Variants in MAPK8IP3 observed in about 807,000 individuals in gnomAD.
MAPK8IP3 encodes C-Jun-amino-terminal kinase-interacting protein 3.
A neutral mutation model predicts 157.8 loss-of-function variants in MAPK8IP3; 49 were observed. That is an observed-to-expected ratio of 0.31 (90% CI 0.25 to 0.39). The LOEUF (loss-of-function observed/expected upper bound fraction) is 0.39, where lower values mean the gene tolerates loss of function less well. MAPK8IP3 is among the 10% of genes least tolerant of loss of function. The pLI, the probability that MAPK8IP3 is intolerant of heterozygous loss-of-function variation, is 1.00. For missense variants in MAPK8IP3, 1,478 were observed against 1,889.4 expected (o/e 0.78, Z 4.04); for synonymous variants, 897 against 777.7 (o/e 1.15, Z -2.55).
intron 6 of MAPK8IP3, among the ~76,000 whole-genome samples, chr16:1,747,858 G>T (rs890081331): frequency 1.3e-5 from 2 of 152,020 alleles, no homozygotes; most frequent in South Asian, 4.1e-4. Flanking sequence ...GTCACCCCAT[G>T]GCACACAGCC....
At position 1,767,480 on chromosome 16, in the gene MAPK8IP3, T is replaced by C. The variant is rs1596813069; in HGVS notation, c.3238-84T>C. On this transcript the variant is annotated intron_variant, in intron 26 of 31. Transcript: ENST00000610761. Reference sequence around the variant, plus strand: ...CTGGGAGGTCTGAGGGGACTGCAGGTGGCCCTGGAGCTGTGGCAGGTTTGG... The same window carrying C: ...CTGGGAGGTCTGAGGGGACTGCAGGCGGCCCTGGAGCTGTGGCAGGTTTGG... 3 of 1,535,308 alleles carry C rather than the reference T, an allele frequency of 2.0e-6. No individual in the cohort carries two copies. In the East Asian group the frequency reaches 6.8e-5, roughly 35 times the overall value.
chr16:1,760,628 G>A (rs1006609533), intron 12 of MAPK8IP3, 96 bp downstream of exon 12: 18 of 1,460,524 alleles, frequency 1.2e-5, no homozygotes, highest in Middle Eastern at 2.5e-4. Flanking sequence ...CAGCCTGAGC[G>A]GCTCTGTGCA....
At chr16:1,711,292 C>T (rs778571829) in intron 1 of MAPK8IP3, among the ~76,000 whole-genome samples, 6 of 152,160 alleles carry the variant, frequency 3.9e-5, no homozygotes, top group Admixed American at 1.3e-4. Context: ...CTGTGTTCTG[C>T]GGTGGCCCCT....
At chr16:1,728,992 T>C in intron 2 of MAPK8IP3, 146 bp from the exon 3 acceptor site, 1 of 743,468 alleles carries the variant, frequency 1.3e-6, no homozygotes, top group Non-Finnish European at 2.4e-6. Flanking sequence ...CCAGACGGCC[T>C]TGCACTTGCC....
intron 2 of MAPK8IP3, among the ~76,000 whole-genome samples, chr16:1,728,530 C>T (rs1396123537): frequency 6.6e-6 from 1 of 152,138 alleles, no homozygotes; most frequent in Non-Finnish European, 1.5e-5. Flanking sequence ...TATTTAACTC[C>T]CAACAGAGCT....
In MAPK8IP3 at chr16:1,764,127, G is replaced by C; in HGVS notation, c.2038G>C (p.Gly680Arg). ...PAKYKQLSPN[G>R]GQEDTRMKNV... is the part of the protein sequence containing the mutation. ...CTGCTCCCTGCAGCTGAGTCCCAAC[G>C]GGGGCCAGGAGGACACGCGGATGAA... Residue 680 changes from glycine (G) to arginine (R), a missense_variant, in exon 18 of 32, where the codon GGG (glycine) becomes CGG (arginine). Physicochemically the swap from Gly to Arg is moderately radical, Grantham distance 125. Around this residue, in one of 11 missense-constraint regions of MAPK8IP3, gnomAD observed 669 missense variants for 759.8 expected, o/e 0.88. Coordinates refer to ENST00000610761, the MANE Select transcript of MAPK8IP3 (RefSeq NM_001318852.2). 6 of 1,609,638 alleles carry C rather than the reference G, an allele frequency of 3.7e-6. No homozygotes were observed. Among genetic ancestry groups the C allele is most frequent in the Non-Finnish European group, 5.1e-6 (6 of 1,178,592 alleles).
At chr16:1,747,757 C>G (rs539827343) in intron 6 of MAPK8IP3, among the ~76,000 whole-genome samples, 1 of 152,150 alleles carries the variant, frequency 6.6e-6, no homozygotes, top group South Asian at 2.1e-4. Context: ...CCCCACTAAC[C>G]AGTAACCTGC....
intron 13 of MAPK8IP3, 36 bp from the exon 14 acceptor site, chr16:1,762,315 A>C (rs768593871): frequency 6.5e-7 from 1 of 1,541,362 alleles, no homozygotes; most frequent in Non-Finnish European, 8.7e-7. Flanking sequence ...CCGGCCTCCG[A>C]GGGCTGGCTG....
intron 4 of MAPK8IP3, among the ~76,000 whole-genome samples, chr16:1,738,633 CGT>C (rs1268319956): frequency 8.1e-5 from 9 of 111,150 alleles, no homozygotes; most frequent in East Asian, 6.2e-4. Context: ...TCGGTGTGAG[CGT>C]GTGAGCGTCC....
chr16:1,708,145 C>T (rs1157367807), intron 1 of MAPK8IP3, among the ~76,000 whole-genome samples: 1 of 152,208 alleles, frequency 6.6e-6, no homozygotes, highest in Non-Finnish European at 1.5e-5. Flanking sequence ...TGACTATAGG[C>T]ATTTTACTGG....
At chr16:1,758,223 A>G (rs1596754387) in intron 9 of MAPK8IP3, 64 bp downstream of exon 9, 1 of 1,590,452 alleles carries the variant, frequency 6.3e-7, no homozygotes, top group Non-Finnish European at 8.6e-7. Flanking sequence ...TGGACGGGGG[A>G]TGCCCCGAGC....
Position 1,724,486 on chromosome 16 carries a change from C to T in MAPK8IP3, c.319-71C>T. 6.4e-7 allele frequency: 1 copy of T among 1,567,610 alleles called. No homozygotes were observed. The highest frequency in any genetic ancestry group is 8.7e-7 in the Non-Finnish European group (1 of 1,154,178). ...GCCCCTGGGCCCTCAAAGCCTGCGG[C>T]CCTTCAAGTGAAAGGCGGCTGCTCC... On this transcript the variant is annotated intron_variant, in intron 1 of 31. Transcript: ENST00000610761. The surrounding 1 kb of genome is among the most constrained non-coding windows in gnomAD (Gnocchi z 4.1).
At chr16:1,768,035 C>G in intron 28 of MAPK8IP3, 34 bp from the exon 29 acceptor site, 1 of 1,612,140 alleles carries the variant, frequency 6.2e-7, no homozygotes, top group Non-Finnish European at 8.5e-7. Flanking sequence ...GCTGACCGCT[C>G]TCCTCTTCTC....
At chr16:1,740,174 G>A (rs1190331139) in intron 4 of MAPK8IP3, among the ~76,000 whole-genome samples, 7 of 132,226 alleles carry the variant, frequency 5.3e-5, no homozygotes, top group Admixed American at 3.9e-4. Flanking sequence ...GTGAGCATCT[G>A]TGTGACCGTT....
chr16:1,747,632 A>G (rs2141863819), intron 6 of MAPK8IP3, among the ~76,000 whole-genome samples: 1 of 152,312 alleles, frequency 6.6e-6, no homozygotes. Context: ...CAGTCATGCT[A>G]GGGGGTATCT....
chr16:1,729,542 G>A lies in MAPK8IP3; in HGVS notation c.566G>A (p.Gly189Glu), dbSNP rs1439893949. 1.9e-6 allele frequency: 3 copies of A among 1,611,260 alleles called. No homozygotes were observed. The highest frequency in any genetic ancestry group is 2.5e-6 in the Non-Finnish European group (3 of 1,179,026). ...AGGTCCAAGATGCAGCAGGTCGGAG[G>A]AAACAGCCAGACCGAGAGCAGCCTG... ...IERSKMQQVG[G>E]NSQTESSLPG... is the part of the protein sequence containing the mutation. Residue 189 changes from glycine (G) to glutamate (E), a missense_variant, in exon 4 of 32, where the codon GGA becomes GAA. Around this residue, in one of 11 missense-constraint regions of MAPK8IP3, gnomAD observed 315 missense variants for 394.4 expected, o/e 0.80. Coordinates refer to ENST00000610761, the MANE Select transcript of MAPK8IP3 (RefSeq NM_001318852.2).
rs1375394270 is a variant in MAPK8IP3, at chr16:1,710,470, T to A, written c.318+3813T>A. On this transcript the variant is annotated intron_variant, in intron 1 of 31. Coordinates refer to ENST00000610761, the MANE Select transcript of MAPK8IP3 (RefSeq NM_001318852.2). The surrounding 1 kb of genome is among the most constrained non-coding windows in gnomAD (Gnocchi z 4.1). ...CCTGGGCAACAAGAGTGAGACTCTG[T>A]CTCAAAATAAATAAATAGATAAAAA... 6.6e-6 allele frequency among the ~76,000 whole-genome samples: 1 copy of A among 152,112 alleles called. No individual in the cohort carries two copies. The highest frequency in any genetic ancestry group is 1.5e-5 in the Non-Finnish European group (1 of 68,034).
intron 8 of MAPK8IP3, among the ~76,000 whole-genome samples, chr16:1,757,326 A>C (rs922188370): frequency 6.6e-6 from 1 of 152,114 alleles, no homozygotes; most frequent in Non-Finnish European, 1.5e-5. Context: ...GGATGGTCTC[A>C]ATCTCCTGAC....
chr16:1,766,687 G>T (rs190033794), intron 23 of MAPK8IP3, 36 bp from the exon 24 acceptor site: 9 of 1,612,554 alleles, frequency 5.6e-6, no homozygotes, highest in Middle Eastern at 1.6e-4. Context: ...GAGGGTCCTG[G>T]GTGAGCCCCT....
Sources: allele counts gnomAD v4.1 joint callset (sites outside exome capture counted in the v4.1 genomes callset), GRCh38; gene constraint gnomAD v4.1.1; regional missense constraint gnomAD v4.1.1; non-coding constraint Gnocchi (gnomAD v3.1); transcripts MANE v1.5; gene names NCBI Gene and HGNC (gene_info 2026-07-23, HGNC 2026-07-21).